The following MTREX variants were observed in gnomAD, a reference collection of about 807,000 sequenced individuals.
The protein encoded by MTREX is exosome RNA helicase MTR4.
Under a neutral mutation model 135.4 loss-of-function variants are expected in MTREX, and 76 were observed. The observed-to-expected ratio is 0.56, with a 90% CI of 0.47 to 0.68. MTREX has a LOEUF of 0.68. MTREX is among the 30% of genes least tolerant of loss of function. MTREX has a pLI of 0.00. For missense variants in MTREX, 920 were observed against 1,262.1 expected, an observed-to-expected ratio of 0.73 and a Z score of 4.11; for synonymous variants, 404 against 401.6, an observed-to-expected ratio of 1.01 and a Z score of -0.07.
intron 18 of MTREX, among the ~76,000 whole-genome samples, chr5:55,385,798 C>T (rs62360531): frequency 0.14 from 21,373 of 152,004 alleles, 1,897 homozygotes; most frequent in East Asian, 0.26. Context: ...GTTACAAGTA[C>T]GCATACACAC....
At chr5:55,410,139 A>G (rs866401813) in intron 22 of MTREX, among the ~76,000 whole-genome samples, 1 of 152,340 alleles carries the variant, frequency 6.6e-6, no homozygotes, top group African/African-American at 2.4e-5. Flanking sequence ...GATTTCTAGT[A>G]AAATTGTTTT....
intron 10 of MTREX, among the ~76,000 whole-genome samples, chr5:55,345,591 G>T (rs1191473433): frequency 1.3e-5 from 2 of 150,348 alleles, no homozygotes; most frequent in African/African-American, 4.9e-5. Context: ...GCTTTCCCTT[G>T]TCTGTGCATT....
At chr5:55,403,273 T>C (rs924816033) in intron 21 of MTREX, among the ~76,000 whole-genome samples, 1 of 152,170 alleles carries the variant, frequency 6.6e-6, no homozygotes, top group Non-Finnish European at 1.5e-5. Flanking sequence ...ATATTTTTGA[T>C]CCACAGTTGG....
intron 19 of MTREX, among the ~76,000 whole-genome samples, chr5:55,396,092 T>C (rs1011707126): frequency 6.6e-6 from 1 of 152,192 alleles, no homozygotes; most frequent in Non-Finnish European, 1.5e-5. Context: ...TATAACTAAT[T>C]AGTGAATTGA....
chr5:55,320,626 T>C (rs1334701308), intron 1 of MTREX, among the ~76,000 whole-genome samples: 1 of 147,854 alleles, frequency 6.8e-6, no homozygotes, highest in Non-Finnish European at 1.5e-5. Flanking sequence ...AAAAATAGAA[T>C]ATTACAACCC....
At position 55,351,023 on chromosome 5, in the gene MTREX, G is replaced by A; in HGVS notation, c.1425G>A (p.Leu475=). ...ETIEILFSEG[L]IKALFATETF... ...TAGAAATTCTCTTTTCTGAAGGATT[G>A]ATAAAGGTATGGTTTTATTTTTATT... The change falls in exon 13 of 27, where the codon TTG becomes TTA. Residue 475 remains leucine, a synonymous_variant. Coordinates refer to ENST00000230640, the MANE Select transcript of MTREX (RefSeq NM_015360.5). 1.1e-5 allele frequency: 17 copies of A among 1,599,174 alleles called. No individual in the cohort carries two copies. Among genetic ancestry groups the A allele is most frequent in the Non-Finnish European group, 1.4e-5 (17 of 1,176,430 alleles).
intron 16 of MTREX, among the ~76,000 whole-genome samples, chr5:55,373,473 G>A (rs1750240372): frequency 6.6e-6 from 1 of 152,084 alleles, no homozygotes; most frequent in Non-Finnish European, 1.5e-5. Context: ...TTTATTTGTT[G>A]AGGAAGATGG....
At chr5:55,332,684 C>T (rs1180845705) in intron 5 of MTREX, among the ~76,000 whole-genome samples, 1 of 152,162 alleles carries the variant, frequency 6.6e-6, no homozygotes, top group African/African-American at 2.4e-5. Flanking sequence ...CTTGATAATT[C>T]CCTCCCAAGA....
Position 55,424,862 on chromosome 5 carries a change from T to C in MTREX, c.*90T>C. The stretch of plus-strand genomic sequence containing the variant: ...ATGCCTGCAAGTGTGGATTTGGTTC[T>C]CCCATACATTTTAATATGTATTATA... On this transcript the variant is annotated 3_prime_UTR_variant, in exon 27 of 27. Transcript: ENST00000230640. The C allele has an allele frequency of 1.1e-6, 1 of 893,304 alleles. No individual in the cohort carries two copies. The allele number at this position is 893,304 out of a possible 1,614,324, so 55.3% of individuals were successfully genotyped here.
At chr5:55,321,269 A>G (rs1307354558) in intron 1 of MTREX, among the ~76,000 whole-genome samples, 6 of 152,134 alleles carry the variant, frequency 3.9e-5, no homozygotes, top group African/African-American at 1.4e-4. Context: ...CACTGACCTG[A>G]TATCTGATTT....
At chr5:55,334,118 G>A (rs1246988190) in intron 5 of MTREX, among the ~76,000 whole-genome samples, 1 of 152,112 alleles carries the variant, frequency 6.6e-6, no homozygotes, top group African/African-American at 2.4e-5. Context: ...ATCCAGAATA[G>A]GTAAATCCAT....
In MTREX at chr5:55,324,218, A is replaced by G. The variant is rs775338925; in HGVS notation, c.339+20A>G. The G allele has an allele frequency of 3.2e-6, 5 of 1,578,954 alleles. No individual in the cohort carries two copies. Among genetic ancestry groups the G allele is most frequent in the Non-Finnish European group, 4.3e-6 (5 of 1,152,406 alleles). On this transcript the variant is annotated intron_variant, in intron 3 of 26. Coordinates refer to ENST00000230640, the MANE Select transcript of MTREX (RefSeq NM_015360.5). The stretch of plus-strand genomic sequence containing the variant: ...CATGAGGTAAGCACAAACAGCATAC[A>G]GAAGGTTAGTGTTACAAATGGGATT...
rs1035574298 is a variant in MTREX, at chr5:55,373,547, AT to A, written c.1811-4759del. On this transcript the variant is annotated intron_variant, in intron 16 of 26. Transcript: ENST00000230640. ...AGGACCTTTTTAGACTTTGTCTTAT[AT>A]TTTTTTTATCTATTTTTAAAAATAT... Among the ~76,000 whole-genome samples, 56 of 147,740 alleles carry A rather than the reference AT, an allele frequency of 3.8e-4. 1 individual carries two copies. The highest frequency in any genetic ancestry group is 3.8e-3 in the Middle Eastern group (1 of 264).
chr5:55,361,210 CT>C (rs1750000523), intron 15 of MTREX, among the ~76,000 whole-genome samples: 1 of 152,142 alleles, frequency 6.6e-6, no homozygotes, highest in African/African-American at 2.4e-5. Flanking sequence ...AATTTCAGAA[CT>C]TTAATAGAAA....
At chr5:55,407,546 A>G (rs973418089) in intron 22 of MTREX, among the ~76,000 whole-genome samples, 1 of 152,220 alleles carries the variant, frequency 6.6e-6, no homozygotes, top group Non-Finnish European at 1.5e-5. Flanking sequence ...ACAATATTAT[A>G]TCAAAGTTTG....
chr5:55,357,848 CCTT>C (rs769454702), intron 14 of MTREX, among the ~76,000 whole-genome samples: 8 of 152,182 alleles, frequency 5.3e-5, no homozygotes, highest in Non-Finnish European at 8.8e-5. Flanking sequence ...GGCTTACTAA[CCTT>C]CTTCTATCAG....
At chr5:55,372,792 C>T (rs962106784) in intron 16 of MTREX, among the ~76,000 whole-genome samples, 5 of 151,838 alleles carry the variant, frequency 3.3e-5, no homozygotes, top group Non-Finnish European at 5.9e-5. Context: ...TGTGAATTTA[C>T]GTAATTTTGG....
At chr5:55,311,231 A>C (rs977088567) in intron 1 of MTREX, among the ~76,000 whole-genome samples, 1 of 152,090 alleles carries the variant, frequency 6.6e-6, no homozygotes, top group Non-Finnish European at 1.5e-5. Flanking sequence ...TTTTTAATCA[A>C]ATGCAAGTTG....
intron 15 of MTREX, among the ~76,000 whole-genome samples, chr5:55,361,441 CAT>C (rs1288807269): frequency 1.3e-5 from 2 of 152,272 alleles, no homozygotes; most frequent in South Asian, 2.1e-4. Context: ...TACACACACA[CAT>C]ATTTATATAT....
Sources: gnomAD v4.1 joint callset for allele counts (sites outside exome capture counted in the v4.1 genomes callset) on GRCh38, gnomAD v4.1.1 for gene constraint, MANE v1.5 for transcripts, NCBI Gene and HGNC (gene_info 2026-07-23, HGNC 2026-07-21) for gene names.